MGAT4C: variants seen among roughly 807,000 people sequenced by gnomAD.
The protein encoded by MGAT4C is MGAT4 family member C.
Under a neutral mutation model 40.1 loss-of-function variants are expected in MGAT4C, and 19 were observed. The ratio of observed to expected loss-of-function variants is 0.47; its 90% CI spans 0.33 to 0.70. The LOEUF is 0.70. Among genes scored for constraint, MGAT4C ranks in the 30% least tolerant of loss-of-function variants. The pLI, the probability that MGAT4C is intolerant of heterozygous loss-of-function variation, is 0.02. For synonymous variants in MGAT4C, 181 were observed against 187.1 expected (o/e 0.97, Z 0.27); for missense variants, 491 against 563.2 (o/e 0.87, Z 1.30).
At chr12:86,797,194 T>C (rs928706006) in intron 1 of MGAT4C, among the ~76,000 whole-genome samples, 1 of 151,896 alleles carries the variant, frequency 6.6e-6, no homozygotes, top group Non-Finnish European at 1.5e-5. Flanking sequence ...TCTATAATTT[T>C]TATCCCTTTT....
chr12:86,382,330 T>C (rs1955951116), intron 3 of MGAT4C, among the ~76,000 whole-genome samples: 1 of 152,188 alleles, frequency 6.6e-6, no homozygotes, highest in Non-Finnish European at 1.5e-5. Context: ...AATGTTGAAC[T>C]AGAGAAAGAT....
At chr12:86,828,895 T>C (rs1252836800) in intron 1 of MGAT4C, among the ~76,000 whole-genome samples, 1 of 151,520 alleles carries the variant, frequency 6.6e-6, no homozygotes, top group Non-Finnish European at 1.5e-5. Flanking sequence ...CTTTCTGGGA[T>C]GATGAAAATA....
At chr12:86,012,797 A>C in intron 2 of MGAT4C, among the ~76,000 whole-genome samples, 1 of 140,604 alleles carries the variant, frequency 7.1e-6, no homozygotes, top group African/African-American at 2.6e-5. Context: ...CACCACCACC[A>C]CCACCACCAC....
At chr12:86,040,334 T>C (rs7487591) in intron 2 of MGAT4C, among the ~76,000 whole-genome samples, 67,811 of 152,094 alleles carry the variant, frequency 0.45, 15,959 homozygotes, top group African/African-American at 0.53. Context: ...GTGCACCCAA[T>C]CACCTCTTCT....
rs1469800773 is a variant in MGAT4C at position 85,974,384 on chromosome 12, A to C, written c.*4905T>G. The C allele has an allele frequency of 1.3e-5, 2 of 150,722 alleles. No individual in the cohort carries two copies. The highest frequency in any genetic ancestry group is 3.0e-5 in the Non-Finnish European group (2 of 66,994). The allele number at this position is 150,722 out of a possible 1,614,324, so 9.3% of individuals were successfully genotyped here. On this transcript the variant is annotated 3_prime_UTR_variant, in exon 5 of 5. Coordinates refer to ENST00000611864, the MANE Select transcript of MGAT4C (RefSeq NM_001351288.2). ...GGCTAAAAAATAATGCAAATGGTGC[A>C]TATCCTTCTGTCTTTCTCTCATACA...
chr12:86,270,776 T>C (rs1952925707), intron 4 of MGAT4C, among the ~76,000 whole-genome samples: 1 of 152,162 alleles, frequency 6.6e-6, no homozygotes, highest in Non-Finnish European at 1.5e-5. Flanking sequence ...GACTTCAAAA[T>C]ACATTACAAG....
chr12:86,105,081 AG>A (rs1875903043), intron 1 of MGAT4C, among the ~76,000 whole-genome samples: 1 of 152,192 alleles, frequency 6.6e-6, no homozygotes, highest in Non-Finnish European at 1.5e-5. Context: ...ATGTAAAGGC[AG>A]GTAAAATGTG....
chr12:86,752,823 A>G (rs1017445627), intron 1 of MGAT4C, among the ~76,000 whole-genome samples: 4 of 152,130 alleles, frequency 2.6e-5, no homozygotes, highest in African/African-American at 9.7e-5. Flanking sequence ...TTTTTAAAAT[A>G]TCTTGCTGGA....
At chr12:86,059,486 G>A (rs1249693967) in intron 1 of MGAT4C, among the ~76,000 whole-genome samples, 1 of 152,208 alleles carries the variant, frequency 6.6e-6, no homozygotes, top group African/African-American at 2.4e-5. Flanking sequence ...TCAGACCAGT[G>A]TTTCCGGTTT....
At chr12:86,322,451 A>C (rs7980126) in intron 4 of MGAT4C, among the ~76,000 whole-genome samples, 19,541 of 150,928 alleles carry the variant, frequency 0.13, 3,208 homozygotes, top group African/African-American at 0.37. Context: ...TTGCTATTAC[A>C]TTTTTAGACA....
At chr12:86,123,127 T>C (rs1343543816) in intron 1 of MGAT4C, among the ~76,000 whole-genome samples, 1 of 152,140 alleles carries the variant, frequency 6.6e-6, no homozygotes, top group African/African-American at 2.4e-5. Context: ...CTCCCAGAAA[T>C]TACTTTCCAG....
At chr12:86,633,855 T>G (rs533513219) in intron 2 of MGAT4C, among the ~76,000 whole-genome samples, 1 of 152,098 alleles carries the variant, frequency 6.6e-6, no homozygotes, top group Non-Finnish European at 1.5e-5. Context: ...TCTTAGATCA[T>G]TAAGTTGCCT....
intron 4 of MGAT4C, among the ~76,000 whole-genome samples, chr12:86,292,712 A>G (rs940958154): frequency 1.3e-5 from 2 of 152,200 alleles, no homozygotes; most frequent in African/African-American, 4.8e-5. Flanking sequence ...GGTATAATTG[A>G]TAACAGCTAC....
intron 1 of MGAT4C, among the ~76,000 whole-genome samples, chr12:86,151,891 T>G (rs1566057926): frequency 6.6e-6 from 1 of 152,242 alleles, no homozygotes; most frequent in Non-Finnish European, 1.5e-5. Context: ...CCTTGTTTTC[T>G]TCAAATTCCT....
chr12:86,170,243 G>A (rs1263799849), intron 1 of MGAT4C, among the ~76,000 whole-genome samples: 8 of 152,186 alleles, frequency 5.3e-5, no homozygotes, highest in Admixed American at 5.2e-4. Context: ...GTCATGCTAT[G>A]AGAATCCTCA....
At chr12:86,180,965 C>T (rs1315222277) in intron 1 of MGAT4C, among the ~76,000 whole-genome samples, 1 of 151,952 alleles carries the variant, frequency 6.6e-6, no homozygotes, top group Non-Finnish European at 1.5e-5. Context: ...TGGCTGTGTC[C>T]CCACCCAAGT....
chr12:86,321,200 A>T (rs905327134), intron 4 of MGAT4C, among the ~76,000 whole-genome samples: 1 of 152,160 alleles, frequency 6.6e-6, no homozygotes, highest in East Asian at 1.9e-4. Flanking sequence ...GTGAAAAATT[A>T]TTTTAAAAAT....
chr12:86,204,493 A>T (rs1448053109), intron 1 of MGAT4C, among the ~76,000 whole-genome samples: 1 of 152,188 alleles, frequency 6.6e-6, no homozygotes, highest in African/African-American at 2.4e-5. Context: ...TGATAGACAT[A>T]TTATAAAATT....
chr12:86,432,598 G>A (rs1957061128), intron 3 of MGAT4C, among the ~76,000 whole-genome samples: 1 of 151,928 alleles, frequency 6.6e-6, no homozygotes, highest in Non-Finnish European at 1.5e-5. Flanking sequence ...AGATTGGGAG[G>A]TAAGCTTTGT....
Sources: allele counts gnomAD v4.1 joint callset (sites outside exome capture counted in the v4.1 genomes callset), GRCh38; gene constraint gnomAD v4.1.1; transcripts MANE v1.5; gene names NCBI Gene and HGNC (gene_info 2026-07-23, HGNC 2026-07-21).